TMEM131: variants seen among roughly 807,000 people sequenced by gnomAD.
TMEM131 encodes the protein transmembrane protein 131, also known as 2610524E03Rik.
Under a neutral mutation model 211.6 loss-of-function variants are expected in TMEM131, and 66 were observed. The observed-to-expected ratio is 0.31, with a 90% confidence interval of 0.26 to 0.38. The LOEUF (loss-of-function observed/expected upper bound fraction) is 0.38. Among genes scored for constraint, TMEM131 ranks in the 10% least tolerant of loss-of-function variants. TMEM131 has a pLI of 1.00. For missense variants in TMEM131, 2,036 were observed against 2,299.3 expected, an observed-to-expected ratio of 0.89 and a Z score of 2.34; for synonymous variants, 844 against 841.3, an observed-to-expected ratio of 1.00 and a Z score of -0.06.
chr2:97,945,172 T>C (rs1394638815), intron 1 of TMEM131, among the ~76,000 whole-genome samples: 1 of 152,180 alleles, frequency 6.6e-6, no homozygotes, highest in African/African-American at 2.4e-5. Flanking sequence ...AGCTCACAGA[T>C]GAATCTTGAG....
chr2:97,865,292 T>A (rs993745337), intron 4 of TMEM131, among the ~76,000 whole-genome samples: 1 of 152,258 alleles, frequency 6.6e-6, no homozygotes, highest in Non-Finnish European at 1.5e-5. Flanking sequence ...ATGTGGTCTA[T>A]TGCCATGGTC....
intron 2 of TMEM131, among the ~76,000 whole-genome samples, chr2:97,926,908 T>TTATA (rs1677014144): frequency 6.6e-6 from 1 of 152,212 alleles, no homozygotes; most frequent in African/African-American, 2.4e-5. Flanking sequence ...AGTCCTGATT[T>TTATA]GTCTGCCATC....
chr2:97,838,426 C>CTTTTTTTTTTTT (rs753635047), intron 7 of TMEM131, among the ~76,000 whole-genome samples: 1 of 89,084 alleles, frequency 1.1e-5, no homozygotes, highest in African/African-American at 4.3e-5. Context: ...TAAGCTTAAA[C>CTTTTTTTTTTTT]TTTTTTTTTT....
intron 32 of TMEM131, among the ~76,000 whole-genome samples, chr2:97,775,319 G>A (rs753206859): frequency 6.6e-6 from 1 of 152,120 alleles, no homozygotes; most frequent in Non-Finnish European, 1.5e-5. Context: ...CTCGTCCCTG[G>A]GGGCCACTAA....
At chr2:97,945,010 A>C (rs1226152903) in intron 1 of TMEM131, among the ~76,000 whole-genome samples, 1 of 152,208 alleles carries the variant, frequency 6.6e-6, no homozygotes, top group Non-Finnish European at 1.5e-5. Context: ...CTTATATACC[A>C]GTGTTCATAA....
Position 97,761,913 on chromosome 2 carries a change from C to G in TMEM131, c.4889+122G>C, listed in dbSNP as rs1678871795. Reference sequence around the variant, plus strand: ...AGGTAAAAGGGTCCACACAAGCTGGCAGCCATCAGAAGTAACACCAGACAG... The same window carrying G: ...AGGTAAAAGGGTCCACACAAGCTGGGAGCCATCAGAAGTAACACCAGACAG... On this transcript the variant is annotated intron_variant, in intron 36 of 40. Coordinates refer to ENST00000186436, the MANE Select transcript of TMEM131 (RefSeq NM_015348.2). 8 of 1,160,612 alleles carry G rather than the reference C, an allele frequency of 6.9e-6. No individual in the cohort carries two copies. The African/African-American group carries it at 1.1e-4, about 16-fold the overall frequency. 71.9% of individuals were successfully genotyped at this position (1,160,612 alleles called of 1,614,324 possible).
chr2:97,762,986 T>C (rs1678933136), intron 35 of TMEM131: 1 of 152,244 alleles, frequency 6.6e-6, no homozygotes, highest in Non-Finnish European at 1.5e-5. Context: ...CTGTAGCTAC[T>C]GCAAGAGGAA....
At chr2:97,954,829 A>AAT (rs1678490125) in intron 1 of TMEM131, among the ~76,000 whole-genome samples, 1 of 148,274 alleles carries the variant, frequency 6.7e-6, no homozygotes, top group Non-Finnish European at 1.5e-5. Flanking sequence ...AAAAAAAAAA[A>AAT]CTAAAAAAGA....
intron 2 of TMEM131, among the ~76,000 whole-genome samples, chr2:97,921,559 GGCAATCCATCCA>G (rs1224133685): frequency 1.3e-5 from 2 of 152,118 alleles, no homozygotes; most frequent in Non-Finnish European, 2.9e-5. Context: ...AAGCCAAAAG[GGCAATCCATCCA>G]GTGAGAGAAG....
At chr2:97,816,952 G>A (rs1219436852) in intron 12 of TMEM131, among the ~76,000 whole-genome samples, 2 of 152,152 alleles carry the variant, frequency 1.3e-5, no homozygotes, top group Non-Finnish European at 2.9e-5. Flanking sequence ...TATTTTGTGT[G>A]GGGATCCAGC....
At chr2:97,980,204 C>T (rs1401292232) in intron 1 of TMEM131, among the ~76,000 whole-genome samples, 1 of 152,052 alleles carries the variant, frequency 6.6e-6, no homozygotes, top group Non-Finnish European at 1.5e-5. Context: ...ACTGAAAAAG[C>T]CTGAAATATT....
chr2:97,935,424 CTG>C (rs535837502), intron 1 of TMEM131, among the ~76,000 whole-genome samples: 104 of 152,250 alleles, frequency 6.8e-4, no homozygotes, highest in African/African-American at 2.4e-3. Context: ...CAATAAGAAT[CTG>C]TATTAAAAAA....
At chr2:97,855,380 TAC>T (rs1673799011) in intron 5 of TMEM131, among the ~76,000 whole-genome samples, 1 of 152,178 alleles carries the variant, frequency 6.6e-6, no homozygotes, top group Admixed American at 6.5e-5. Context: ...CAAATAAATA[TAC>T]ACAGATTTTT....
chr2:97,927,912 G>A (rs139649959), intron 1 of TMEM131, among the ~76,000 whole-genome samples: 200 of 152,260 alleles, frequency 1.3e-3, no homozygotes, highest in Non-Finnish European at 2.3e-3. Flanking sequence ...TTGTAGTGAT[G>A]ATATGACCTG....
intron 4 of TMEM131, among the ~76,000 whole-genome samples, chr2:97,887,331 TG>T (rs1346878813): frequency 1.3e-5 from 2 of 152,160 alleles, no homozygotes; most frequent in African/African-American, 4.8e-5. Flanking sequence ...GGCACAGAGA[TG>T]CTCAGCTGGT....
chr2:97,845,261 G>A (rs1465302974), intron 5 of TMEM131, among the ~76,000 whole-genome samples: 1 of 152,080 alleles, frequency 6.6e-6, no homozygotes, highest in Admixed American at 6.5e-5. Context: ...ACCCATGGCA[G>A]AGAAGGGAAG....
At chr2:97,768,879 G>A (rs1473755492) in intron 33 of TMEM131, among the ~76,000 whole-genome samples, 1 of 143,852 alleles carries the variant, frequency 7.0e-6, no homozygotes, top group African/African-American at 2.5e-5. Flanking sequence ...TGGGATTACA[G>A]GTGTGAGCCA....
chr2:97,789,466 A>G (rs34502870), intron 31 of TMEM131, among the ~76,000 whole-genome samples: 50,699 of 152,142 alleles, frequency 0.33, 9,315 homozygotes, highest in Non-Finnish European at 0.39. Context: ...TGTGGGGAGT[A>G]ACTGTTCTCT....
At chr2:97,870,648 C>T (rs960979195) in intron 4 of TMEM131, among the ~76,000 whole-genome samples, 1 of 152,188 alleles carries the variant, frequency 6.6e-6, no homozygotes, top group Non-Finnish European at 1.5e-5. Flanking sequence ...AAGTTTCCTA[C>T]ACCACAGAAA....
Sources: gnomAD v4.1 joint callset for allele counts (sites outside exome capture counted in the v4.1 genomes callset) on GRCh38, gnomAD v4.1.1 for gene constraint, MANE v1.5 for transcripts, NCBI Gene and HGNC (gene_info 2026-07-23, HGNC 2026-07-21) for gene names.